The following RNF144B variants were observed in gnomAD, a reference collection of about 807,000 sequenced individuals.
RNF144B encodes ring finger protein 144B.
RNF144B carries 25 observed loss-of-function variants against 40.2 expected under a neutral mutation model. The ratio of observed to expected loss-of-function variants is 0.62; its 90% confidence interval spans 0.45 to 0.87. The LOEUF (loss-of-function observed/expected upper bound fraction) is 0.87. Ranked by LOEUF, RNF144B falls within the 40% of genes least tolerant of loss-of-function variation. RNF144B has a pLI of 0.00. For synonymous variants in RNF144B, 145 were observed against 136.3 expected, an observed-to-expected ratio of 1.06 and a Z score of -0.44; for missense variants, 365 against 373.7, an observed-to-expected ratio of 0.98 and a Z score of 0.19.
Position 18,457,153 on chromosome 6 carries a change from A to G in RNF144B, c.332-2A>G, listed in dbSNP as rs1759348474. ...ATCACATTTTCTTTCTTTACACTTT[A>G]GAAGTTCATCTGGACCCCTACCGAA... On this transcript the variant is annotated splice_acceptor_variant, in intron 4 of 7. Coordinates refer to ENST00000259939, the MANE Select transcript of RNF144B (RefSeq NM_182757.4). LOFTEE classifies it high-confidence loss of function. The surrounding 1 kb of genome is among the most constrained non-coding windows in gnomAD (Gnocchi z 5.1). 1 of 1,610,748 alleles carries G rather than the reference A, an allele frequency of 6.2e-7. No individual in the cohort carries two copies. Among genetic ancestry groups the G allele is most frequent in the South Asian group, 1.1e-5 (1 of 90,998 alleles).
chr6:18,396,344 A>T (rs571149617), intron 1 of RNF144B: 1 of 920,536 alleles, frequency 1.1e-6, no homozygotes, highest in South Asian at 5.0e-5. Flanking sequence ...TTAATTTCTA[A>T]GAGGTATCCC....
intron 3 of RNF144B, among the ~76,000 whole-genome samples, chr6:18,437,259 C>T (rs556279830): frequency 1.9e-4 from 29 of 152,004 alleles, no homozygotes; most frequent in African/African-American, 2.7e-4. Flanking sequence ...GGCAACATAG[C>T]GAGACCCCAT....
Position 18,467,354 on chromosome 6 carries a change from G to T in RNF144B, c.*2287G>T, listed in dbSNP as rs1043262533. ...GTGCTATTTCCTTGGCGAGTTGAGG[G>T]AATTTGCCACCTTACAGAGTTTGTA... On this transcript the variant is annotated 3_prime_UTR_variant, in exon 8 of 8. Transcript: ENST00000259939. The T allele has an allele frequency of 6.9e-6, 1 of 144,642 alleles. No individual in the cohort carries two copies. The highest frequency in any genetic ancestry group is 2.6e-5 in the African/African-American group (1 of 38,846). 9.0% of individuals were successfully genotyped at this position (144,642 alleles called of 1,614,324 possible).
At chr6:18,429,673 A>G (rs960658789) in intron 3 of RNF144B, among the ~76,000 whole-genome samples, 1 of 152,212 alleles carries the variant, frequency 6.6e-6, no homozygotes. Context: ...CTAGTTACTA[A>G]GAATATTGTT....
intron 3 of RNF144B, among the ~76,000 whole-genome samples, chr6:18,436,980 A>G (rs1272067606): frequency 6.6e-6 from 1 of 152,096 alleles, no homozygotes; most frequent in Non-Finnish European, 1.5e-5. Context: ...TCTAATCTGC[A>G]AAATCCAACA....
intron 4 of RNF144B, among the ~76,000 whole-genome samples, chr6:18,449,738 CAT>C: frequency 6.6e-6 from 1 of 150,430 alleles, no homozygotes; most frequent in East Asian, 1.9e-4. Context: ...CTAAAATTAA[CAT>C]ATGCGTTATC....
Position 18,457,136 on chromosome 6 carries a change from T to G in RNF144B, c.332-19T>G. 6.3e-6 allele frequency: 10 copies of G among 1,585,580 alleles called. No homozygotes were observed. Among genetic ancestry groups the G allele is most frequent in the Non-Finnish European group, 8.7e-6 (10 of 1,155,204 alleles). On this transcript the variant is annotated intron_variant, in intron 4 of 7. Coordinates refer to ENST00000259939, the MANE Select transcript of RNF144B (RefSeq NM_182757.4). The surrounding 1 kb of genome is among the most constrained non-coding windows in gnomAD (Gnocchi z 5.1). ...CATGAATCGGGCAGACCATCACATT[T>G]TCTTTCTTTACACTTTAGAAGTTCA...
At position 18,400,961 on chromosome 6, in the gene RNF144B, G is replaced by C. The variant is rs1446296728; in HGVS notation, c.165+1262G>C. On this transcript the variant is annotated intron_variant, in intron 2 of 7. Coordinates refer to ENST00000259939, the MANE Select transcript of RNF144B (RefSeq NM_182757.4). The surrounding 1 kb of genome is among the most constrained non-coding windows in gnomAD (Gnocchi z 5.6). ...GTGAGGAAATGGCCTTGTCATCTCA[G>C]AGCAACTTCAGTTTCCTTTGGTCTT... Among the ~76,000 whole-genome samples the C allele has an allele frequency of 6.6e-6, 1 of 152,140 alleles. No individual in the cohort carries two copies.
At chr6:18,463,256 G>A in intron 6 of RNF144B, 35 bp from the exon 7 acceptor site, 4 of 1,332,540 alleles carry the variant, frequency 3.0e-6, no homozygotes, top group Non-Finnish European at 4.3e-6. Flanking sequence ...ATTTAAAACT[G>A]CATATTTACT....
rs1277855757 is a variant in RNF144B, at chr6:18,443,928, G to A, written c.331+4184G>A. Among the ~76,000 whole-genome samples the A allele has an allele frequency of 6.6e-6, 1 of 152,148 alleles. No individual in the cohort carries two copies. The highest frequency in any genetic ancestry group is 2.4e-5 in the African/African-American group (1 of 41,428). ...CAACTGAAAGAAAATCTCATTGGCT[G>A]GACTGTGAGACAGAATTGTAGAGAT... On this transcript the variant is annotated intron_variant, in intron 4 of 7. Transcript: ENST00000259939. This position sits in a 1 kb window ranked among gnomAD's most constrained non-coding sequence, Gnocchi z 4.7.
chr6:18,454,222 GTGGACC>G (rs1245533398), intron 4 of RNF144B, among the ~76,000 whole-genome samples: 1 of 152,084 alleles, frequency 6.6e-6, no homozygotes, highest in African/African-American at 2.4e-5. Context: ...AAGCCCCTTA[GTGGACC>G]TGCCTTTGCC....
intron 3 of RNF144B, among the ~76,000 whole-genome samples, chr6:18,435,171 G>C (rs764065554): frequency 6.6e-6 from 1 of 152,186 alleles, no homozygotes; most frequent in Non-Finnish European, 1.5e-5. Context: ...ATAGGAGAGA[G>C]AAATTTCTGT....
chr6:18,457,020 C>T lies in RNF144B; in HGVS notation c.332-135C>T, dbSNP rs1360130631. On this transcript the variant is annotated intron_variant, in intron 4 of 7. Transcript: ENST00000259939. This position sits in a 1 kb window ranked among gnomAD's most constrained non-coding sequence, Gnocchi z 5.1. ...AGGTTGCAGTGAGCTGAAATCATGC[C>T]ACTGTACTCCAGCCTGGGCGACAGA... The T allele has an allele frequency of 2.4e-5, 18 of 754,974 alleles. 1 individual carries two copies. The highest frequency in any genetic ancestry group is 1.1e-4 in the South Asian group (7 of 62,966). The allele number at this position is 754,974 out of a possible 1,614,324, so 46.8% of individuals were successfully genotyped here.
chr6:18,425,056 G>GGTGTGTGT lies in RNF144B; in HGVS notation c.166-2514_166-2507dup, dbSNP rs10616768. 6.6e-6 allele frequency among the ~76,000 whole-genome samples: 1 copy of GGTGTGTGT among 151,212 alleles called. No individual in the cohort carries two copies. Among genetic ancestry groups the GGTGTGTGT allele is most frequent in the South Asian group, 2.1e-4 (1 of 4,804 alleles). On this transcript the variant is annotated intron_variant, in intron 2 of 7. Transcript: ENST00000259939. The surrounding 1 kb of genome is among the most constrained non-coding windows in gnomAD (Gnocchi z 4.2). ...TTTCACGTGTATGTGTGTATGTGTG[G>GGTGTGTGT]GTGTGTGTGTGTGTGTGTTAAAACC...
rs986042422 is a variant in RNF144B at position 18,391,095 on chromosome 6, T to A, written c.-37+3465T>A. ...ATGCTTTTATTCATTTGAAAAAAAATTTTTGATTTAGATATTCGTGCTTTA... is the reference window on the plus strand; with the variant it reads ...ATGCTTTTATTCATTTGAAAAAAAAATTTTGATTTAGATATTCGTGCTTTA... On this transcript the variant is annotated intron_variant, in intron 1 of 7. Transcript: ENST00000259939. Among the ~76,000 whole-genome samples, 9 of 152,258 alleles carry A rather than the reference T, an allele frequency of 5.9e-5. 1 individual carries two copies. The South Asian group carries it at 8.3e-4, about 14-fold the overall frequency.
At chr6:18,449,143 G>A (rs1474105167) in intron 4 of RNF144B, among the ~76,000 whole-genome samples, 1 of 152,152 alleles carries the variant, frequency 6.6e-6, no homozygotes, top group Admixed American at 6.5e-5. Flanking sequence ...TCCATTCTGG[G>A]TTTTTCTGCT....
In RNF144B at chr6:18,418,248, G is replaced by A. The variant is rs1369717461; in HGVS notation, c.166-9333G>A. The stretch of plus-strand genomic sequence containing the variant: ...TCCTAGGTAAATATCCAAGAGAAAC[G>A]AAAATGTATGTCCACATGAAAACTT... On this transcript the variant is annotated intron_variant, in intron 2 of 7. Transcript: ENST00000259939. The surrounding 1 kb of genome is among the most constrained non-coding windows in gnomAD (Gnocchi z 5.2). 2.0e-5 allele frequency among the ~76,000 whole-genome samples: 3 copies of A among 152,088 alleles called. No individual in the cohort carries two copies. The highest frequency in any genetic ancestry group is 1.3e-4 in the Admixed American group (2 of 15,264).
intron 2 of RNF144B, among the ~76,000 whole-genome samples, chr6:18,415,165 C>T (rs552739653): frequency 2.6e-5 from 4 of 151,750 alleles, no homozygotes; most frequent in East Asian, 3.9e-4. Context: ...ATTTTCTGTC[C>T]GTGGTTGGTT....
intron 1 of RNF144B, among the ~76,000 whole-genome samples, chr6:18,390,467 C>A (rs1794557261): frequency 6.6e-6 from 1 of 152,206 alleles, no homozygotes. Flanking sequence ...GAATGAGGAT[C>A]TTCTCATCTA....
Sources: gnomAD v4.1 joint callset for allele counts (sites outside exome capture counted in the v4.1 genomes callset) on GRCh38, gnomAD v4.1.1 for gene constraint, Gnocchi (gnomAD v3.1) non-coding constraint, MANE v1.5 for transcripts, NCBI Gene and HGNC (gene_info 2026-07-23, HGNC 2026-07-21) for gene names.